Variants in HECW1 observed in about 807,000 individuals in gnomAD.
The protein encoded by HECW1 is HECT, C2 and WW domain containing E3 ubiquitin protein ligase 1.
Under a neutral mutation model 182.3 loss-of-function variants are expected in HECW1, and 61 were observed. That is an observed-to-expected ratio of 0.33 (90% confidence interval 0.27 to 0.41). HECW1 has a LOEUF of 0.41. HECW1 is among the 10% of genes least tolerant of loss of function. HECW1 has a pLI of 1.00. For missense variants in HECW1, 1,739 were observed against 2,108.9 expected (o/e 0.82, Z 3.44); for synonymous variants, 859 against 832.6 (o/e 1.03, Z -0.55).
At chr7:43,554,454 A>C in intron 28 of HECW1, 138 bp from the exon 29 acceptor site, 1 of 732,806 alleles carries the variant, frequency 1.4e-6, no homozygotes, top group Non-Finnish European at 2.3e-6. Flanking sequence ...ACCTCTCTAA[A>C]GGCCATCACA....
chr7:43,119,105 C>A (rs35578773), intron 2 of HECW1: 1 of 152,320 alleles, frequency 6.6e-6, no homozygotes, highest in East Asian at 1.9e-4. Flanking sequence ...ACCATGCAGC[C>A]TGAGACCAGA....
intron 3 of HECW1, among the ~76,000 whole-genome samples, chr7:43,281,683 C>T (rs1331380078): frequency 6.3e-5 from 9 of 141,848 alleles, no homozygotes; most frequent in African/African-American, 2.4e-4. Flanking sequence ...AGATCCTCCT[C>T]TTTCTTTTTC....
chr7:43,501,561 G>A (rs1418564207), intron 21 of HECW1, among the ~76,000 whole-genome samples: 1 of 152,134 alleles, frequency 6.6e-6, no homozygotes, highest in Non-Finnish European at 1.5e-5. Context: ...CTGGGCAGGT[G>A]GCTCATGCTT....
intron 2 of HECW1, among the ~76,000 whole-genome samples, chr7:43,218,788 C>G (rs578191590): frequency 6.6e-6 from 1 of 152,080 alleles, no homozygotes; most frequent in Admixed American, 6.6e-5. Context: ...AGTGATACAA[C>G]GAGTGGAGGA....
chr7:43,330,048 G>C (rs1261824945), intron 5 of HECW1, among the ~76,000 whole-genome samples: 11 of 152,174 alleles, frequency 7.2e-5, no homozygotes, highest in Non-Finnish European at 1.5e-4. Flanking sequence ...GAGAAAGAGA[G>C]ATCATGGAGT....
chr7:43,273,857 CTTT>C (rs60032315), intron 3 of HECW1, among the ~76,000 whole-genome samples: 1 of 141,352 alleles, frequency 7.1e-6, no homozygotes. Context: ...AAATATGATT[CTTT>C]TTTTTTTTTT....
In HECW1 at chr7:43,562,804, C is replaced by G. The variant is rs1259243725; in HGVS notation, c.*878C>G. 4 of 216,388 alleles carry G rather than the reference C, an allele frequency of 1.8e-5. No homozygotes were observed. Among genetic ancestry groups the G allele is most frequent in the African/African-American group, 9.0e-5 (4 of 44,310 alleles). The allele number at this position is 216,388 out of a possible 1,614,324, so 13.4% of individuals were successfully genotyped here. On this transcript the variant is annotated 3_prime_UTR_variant, in exon 30 of 30. Coordinates refer to ENST00000395891, the MANE Select transcript of HECW1 (RefSeq NM_015052.5). ...TGTCTTATGTAGAATGTGGCAATGC[C>G]AACTGGAGAAAGGGAAGAAGGACAT... is the stretch of plus-strand genomic sequence containing the variant.
At chr7:43,154,318 A>T (rs1023799212) in intron 2 of HECW1, among the ~76,000 whole-genome samples, 13 of 152,190 alleles carry the variant, frequency 8.5e-5, no homozygotes, top group African/African-American at 2.4e-4. Flanking sequence ...TTTAGTAGGT[A>T]CAAGTTTGAT....
chr7:43,453,941 A>G (rs1369302286), intron 12 of HECW1, among the ~76,000 whole-genome samples: 1 of 152,250 alleles, frequency 6.6e-6, no homozygotes, highest in East Asian at 1.9e-4. Context: ...AAACATGTTC[A>G]TAATTTCTGA....
chr7:43,407,513 G>A (rs577021472), intron 7 of HECW1, 49 bp from the exon 8 acceptor site: 20 of 1,431,850 alleles, frequency 1.4e-5, no homozygotes, highest in South Asian at 2.6e-5. Flanking sequence ...AATGCCAGTC[G>A]TTAACCTCCC....
At chr7:43,408,625 G>T (rs552325933) in intron 8 of HECW1, among the ~76,000 whole-genome samples, 2 of 152,224 alleles carry the variant, frequency 1.3e-5, no homozygotes, top group African/African-American at 4.8e-5. Context: ...GGCAGAGGTT[G>T]TAGTGAGCTG....
chr7:43,478,606 C>A (rs1034895479), intron 16 of HECW1, among the ~76,000 whole-genome samples: 4 of 151,722 alleles, frequency 2.6e-5, no homozygotes, highest in Admixed American at 1.3e-4. Flanking sequence ...AAGTGAAAAA[C>A]CTCATAAAAT....
intron 17 of HECW1, among the ~76,000 whole-genome samples, chr7:43,489,893 C>T (rs771145186): frequency 2.0e-5 from 3 of 152,224 alleles, no homozygotes; most frequent in Admixed American, 2.0e-4. Context: ...TTGGAACTGA[C>T]TTGTCTAGAC....
At chr7:43,121,284 CT>C (rs1361735223) in intron 2 of HECW1, among the ~76,000 whole-genome samples, 1 of 152,172 alleles carries the variant, frequency 6.6e-6, no homozygotes, top group African/African-American at 2.4e-5. Context: ...TTGATAAAAA[CT>C]GTTCTTTGCT....
chr7:43,469,737 T>C (rs1356155087), intron 16 of HECW1, among the ~76,000 whole-genome samples: 1 of 152,220 alleles, frequency 6.6e-6, no homozygotes, highest in African/African-American at 2.4e-5. Flanking sequence ...ATCAGCCATC[T>C]CGATGTATTC....
intron 6 of HECW1, among the ~76,000 whole-genome samples, chr7:43,372,987 G>GA (rs1156990468): frequency 1.3e-5 from 2 of 152,120 alleles, no homozygotes; most frequent in African/African-American, 4.8e-5. Flanking sequence ...AATCAATACT[G>GA]AAACCCATGA....
chr7:43,507,721 C>T (rs1242475072), intron 22 of HECW1, among the ~76,000 whole-genome samples: 1 of 152,148 alleles, frequency 6.6e-6, no homozygotes, highest in African/African-American at 2.4e-5. Flanking sequence ...AAAAGCTGAA[C>T]CCAAACTCAG....
intron 3 of HECW1, among the ~76,000 whole-genome samples, chr7:43,277,291 C>G (rs949105271): frequency 1.3e-5 from 2 of 152,150 alleles, no homozygotes; most frequent in Non-Finnish European, 2.9e-5. Context: ...CACCTGCCGC[C>G]ATGACGCTGC....
At chr7:43,265,630 A>G (rs1380729598) in intron 3 of HECW1, among the ~76,000 whole-genome samples, 1 of 152,096 alleles carries the variant, frequency 6.6e-6, no homozygotes, top group African/African-American at 2.4e-5. Flanking sequence ...TTCCACACTA[A>G]TTCTCCAGTT....
Sources: gnomAD v4.1 joint callset for allele counts (sites outside exome capture counted in the v4.1 genomes callset) on GRCh38, gnomAD v4.1.1 for gene constraint, MANE v1.5 for transcripts, NCBI Gene and HGNC (gene_info 2026-07-23, HGNC 2026-07-21) for gene names.